Variants in SPOPL observed in about 807,000 individuals in gnomAD.
The protein encoded by SPOPL is speckle-type POZ protein-like.
In SPOPL, 23 loss-of-function variants were observed where a neutral mutation model predicts 53.8. The observed-to-expected ratio is 0.43, with a 90% CI of 0.31 to 0.61. SPOPL has a LOEUF of 0.61. SPOPL is among the 20% of genes least tolerant of loss of function. SPOPL has a pLI of 0.12. For missense variants in SPOPL, 442 were observed against 466.9 expected (o/e 0.95, Z 0.49); for synonymous variants, 164 against 149.7 (o/e 1.10, Z -0.70).
At chr2:138,548,873 CATTT>C (rs1391226688) in intron 1 of SPOPL, among the ~76,000 whole-genome samples, 1 of 152,068 alleles carries the variant, frequency 6.6e-6, no homozygotes, top group East Asian at 1.9e-4. Flanking sequence ...TCTTTCAGTA[CATTT>C]ATTTAATTAA....
chr2:138,561,449 G>A (rs953526245), intron 8 of SPOPL, among the ~76,000 whole-genome samples: 5 of 151,930 alleles, frequency 3.3e-5, no homozygotes, highest in Non-Finnish European at 7.4e-5. Flanking sequence ...CTAAGCCAAT[G>A]GTTTTCAATC....
intron 1 of SPOPL, among the ~76,000 whole-genome samples, chr2:138,530,180 C>G (rs574401286): frequency 3.3e-4 from 50 of 152,270 alleles, no homozygotes; most frequent in Non-Finnish European, 3.1e-4. Context: ...GTGTAGTATT[C>G]TGTGGTGTAT....
At chr2:138,541,368 G>T (rs1281035450) in intron 1 of SPOPL, among the ~76,000 whole-genome samples, 1 of 152,120 alleles carries the variant, frequency 6.6e-6, no homozygotes, top group East Asian at 1.9e-4. Flanking sequence ...GAATCCATCT[G>T]GTCCTGCACT....
At chr2:138,541,421 G>T (rs896611640) in intron 1 of SPOPL, among the ~76,000 whole-genome samples, 5 of 152,044 alleles carry the variant, frequency 3.3e-5, no homozygotes, top group East Asian at 1.9e-4. Flanking sequence ...CAATTTCAGA[G>T]CCTGTTATTG....
At chr2:138,554,214 A>C (rs1685373853) in intron 5 of SPOPL, among the ~76,000 whole-genome samples, 4 of 152,018 alleles carry the variant, frequency 2.6e-5, no homozygotes, top group Admixed American at 2.6e-4. Flanking sequence ...CATATGCTAC[A>C]TGCTAGTGAC....
chr2:138,542,059 C>G (rs1685084026), intron 1 of SPOPL, among the ~76,000 whole-genome samples: 1 of 152,174 alleles, frequency 6.6e-6, no homozygotes, highest in African/African-American at 2.4e-5. Context: ...GAGTGAGTTT[C>G]TTAATCCTGA....
chr2:138,516,959 G>A (rs1054944337), intron 1 of SPOPL, among the ~76,000 whole-genome samples: 2 of 152,160 alleles, frequency 1.3e-5, no homozygotes, highest in African/African-American at 4.8e-5. Context: ...CTTTATAAAT[G>A]TTTGTTCCGT....
At chr2:138,537,334 G>A (rs1445699874) in intron 1 of SPOPL, among the ~76,000 whole-genome samples, 3 of 152,208 alleles carry the variant, frequency 2.0e-5, no homozygotes, top group South Asian at 2.1e-4. Context: ...GGTCATGATC[G>A]ATTGAGCAAG....
At chr2:138,565,572 TC>T (rs1685642770) in intron 10 of SPOPL, among the ~76,000 whole-genome samples, 1 of 152,018 alleles carries the variant, frequency 6.6e-6, no homozygotes. Flanking sequence ...TTTTCCCTTC[TC>T]TTACTTTTCA....
Position 138,569,622 on chromosome 2 carries a change from C to G in SPOPL, c.*542C>G, listed in dbSNP as rs904280553. The G allele has an allele frequency of 3.9e-5, 6 of 152,126 alleles. No homozygotes were observed. The highest frequency in any genetic ancestry group is 1.4e-4 in the African/African-American group (6 of 41,422). The allele number at this position is 152,126 out of a possible 1,614,324, so 9.4% of individuals were successfully genotyped here. A position where few individuals can be genotyped will look rare whatever the true frequency, so the allele number is the denominator to read the frequency against. ...GTTATGGCAATACACTGCTTCAATT[C>G]TAATTTATTTTTCATTTCAGGGGGC... is the stretch of plus-strand genomic sequence containing the variant. On this transcript the variant is annotated 3_prime_UTR_variant, in exon 11 of 11. Transcript: ENST00000280098.
chr2:138,555,707 A>G (rs966229704), intron 5 of SPOPL, among the ~76,000 whole-genome samples: 2 of 152,222 alleles, frequency 1.3e-5, no homozygotes, highest in Non-Finnish European at 2.9e-5. Flanking sequence ...TTAGCTCTAC[A>G]TTAGAAGAGA....
intron 5 of SPOPL, among the ~76,000 whole-genome samples, chr2:138,557,112 C>T (rs934820394): frequency 1.8e-4 from 28 of 151,886 alleles, no homozygotes; most frequent in African/African-American, 6.0e-4. Context: ...GCAGAGATCG[C>T]GCCACTGCAC....
intron 1 of SPOPL, among the ~76,000 whole-genome samples, chr2:138,544,146 G>T (rs894259519): frequency 1.2e-4 from 18 of 152,280 alleles, no homozygotes; most frequent in African/African-American, 4.3e-4. Context: ...TGCCCCTACT[G>T]GGGGGTGTCT....
At chr2:138,502,845 G>A (rs1265050762) in intron 1 of SPOPL, among the ~76,000 whole-genome samples, 1 of 152,162 alleles carries the variant, frequency 6.6e-6, no homozygotes, top group Non-Finnish European at 1.5e-5. Flanking sequence ...AAAAGGGAAG[G>A]TAGCATTTTC....
intron 1 of SPOPL, among the ~76,000 whole-genome samples, chr2:138,540,660 T>C (rs1156479462): frequency 2.6e-5 from 4 of 152,330 alleles, no homozygotes; most frequent in African/African-American, 9.6e-5. Flanking sequence ...AATGGGGTTT[T>C]CTAGATATAC....
At chr2:138,519,350 A>C (rs1328825841) in intron 1 of SPOPL, among the ~76,000 whole-genome samples, 1 of 151,674 alleles carries the variant, frequency 6.6e-6, no homozygotes, top group Non-Finnish European at 1.5e-5. Context: ...GGAGCTTAGC[A>C]TATTTGATGA....
chr2:138,531,934 A>G (rs1684818712), intron 1 of SPOPL, among the ~76,000 whole-genome samples: 1 of 152,186 alleles, frequency 6.6e-6, no homozygotes, highest in South Asian at 2.1e-4. Context: ...TTTCTTAGAC[A>G]TGTTAGTGTG....
In SPOPL at chr2:138,550,884, G is replaced by A. The variant is rs1230202378; in HGVS notation, c.201-19G>A. The A allele has an allele frequency of 1.9e-6, 3 of 1,597,258 alleles. No homozygotes were observed. Among genetic ancestry groups the A allele is most frequent in the Middle Eastern group, 1.7e-4 (1 of 5,728 alleles). On this transcript the variant is annotated intron_variant, in intron 3 of 10. Transcript: ENST00000280098. Reference sequence around the variant, plus strand: ...TCAAGTATTATATTCCTCCATGTGAGCTTATTGTTTTATTTTAGGTGCCTG... The same window carrying A: ...TCAAGTATTATATTCCTCCATGTGAACTTATTGTTTTATTTTAGGTGCCTG...
intron 1 of SPOPL, among the ~76,000 whole-genome samples, chr2:138,546,025 C>T (rs1046920362): frequency 1.3e-5 from 2 of 152,172 alleles, no homozygotes; most frequent in Non-Finnish European, 2.9e-5. Flanking sequence ...GGTAGGGACA[C>T]ACCAGGATGG....
Sources: gnomAD v4.1 joint callset for allele counts (sites outside exome capture counted in the v4.1 genomes callset) on GRCh38, gnomAD v4.1.1 for gene constraint, MANE v1.5 for transcripts, NCBI Gene and HGNC (gene_info 2026-07-23, HGNC 2026-07-21) for gene names.